Variants in ASH1L observed in about 807,000 individuals in gnomAD.
ASH1L encodes ASH1 like histone lysine methyltransferase.
ASH1L carries 23 observed loss-of-function variants against 269.0 expected under a neutral mutation model. That is an observed-to-expected ratio of 0.09 (90% confidence interval 0.06 to 0.12). The LOEUF is 0.12. ASH1L is among the 10% of genes least tolerant of loss of function. The pLI, the probability that ASH1L is intolerant of heterozygous loss-of-function variation, is 1.00. For missense variants in ASH1L, 2,912 were observed against 3,567.8 expected (o/e 0.82, Z 4.68); for synonymous variants, 1,187 against 1,253.5 (o/e 0.95, Z 1.12).
chr1:155,461,523 C>G (rs1319663078), intron 3 of ASH1L, among the ~76,000 whole-genome samples: 1 of 152,014 alleles, frequency 6.6e-6, no homozygotes, highest in Non-Finnish European at 1.5e-5. Context: ...TTATATCTGA[C>G]AGTATAATAA....
chr1:155,426,225 C>T (rs1008566678), intron 5 of ASH1L, among the ~76,000 whole-genome samples: 4 of 151,882 alleles, frequency 2.6e-5, no homozygotes, highest in Admixed American at 6.6e-5. Context: ...CCATCATGCC[C>T]GGCTAATTTT....
intron 5 of ASH1L, among the ~76,000 whole-genome samples, chr1:155,428,926 A>G (rs1264144250): frequency 1.3e-5 from 2 of 152,030 alleles, no homozygotes; most frequent in Non-Finnish European, 1.5e-5. Flanking sequence ...TTCCCACTTC[A>G]CACCTCTATA....
intron 4 of ASH1L, among the ~76,000 whole-genome samples, chr1:155,449,199 G>C (rs929630581): frequency 2.6e-5 from 4 of 152,188 alleles, no homozygotes; most frequent in African/African-American, 9.7e-5. Context: ...CTCCCAAAGT[G>C]CTGGGATTAC....
chr1:155,497,894 C>A (rs1280248407), intron 2 of ASH1L, among the ~76,000 whole-genome samples: 2 of 151,910 alleles, frequency 1.3e-5, no homozygotes, highest in African/African-American at 4.8e-5. Flanking sequence ...GGACTACAGG[C>A]GCCTGCCACC....
At chr1:155,405,886 T>C (rs963863418) in intron 6 of ASH1L, among the ~76,000 whole-genome samples, 1 of 149,722 alleles carries the variant, frequency 6.7e-6, no homozygotes, top group Non-Finnish European at 1.5e-5. Context: ...TTCACAGATA[T>C]GGTGATGACC....
intron 1 of ASH1L, among the ~76,000 whole-genome samples, chr1:155,530,282 T>C (rs908569337): frequency 1.3e-5 from 2 of 152,210 alleles, no homozygotes; most frequent in African/African-American, 4.8e-5. Context: ...CCATTGAAAT[T>C]TGAACTCTAC....
At chr1:155,530,384 G>T (rs1368524290) in intron 1 of ASH1L, among the ~76,000 whole-genome samples, 1 of 152,096 alleles carries the variant, frequency 6.6e-6, no homozygotes, top group Non-Finnish European at 1.5e-5. Context: ...AATATTTGTA[G>T]AATTAATTCC....
intron 6 of ASH1L, among the ~76,000 whole-genome samples, chr1:155,406,149 A>C (rs1659269448): frequency 1.3e-5 from 2 of 148,920 alleles, no homozygotes; most frequent in African/African-American, 4.9e-5. Flanking sequence ...GGTTGCAGTG[A>C]GCTAAGATGG....
chr1:155,442,307 G>T (rs1354298983), intron 4 of ASH1L, among the ~76,000 whole-genome samples: 1 of 151,740 alleles, frequency 6.6e-6, no homozygotes, highest in Non-Finnish European at 1.5e-5. Context: ...AAACACAAAG[G>T]CCCGGCAAGG....
intron 2 of ASH1L, among the ~76,000 whole-genome samples, chr1:155,494,973 T>C (rs762800707): frequency 2.0e-5 from 3 of 152,066 alleles, no homozygotes; most frequent in Non-Finnish European, 4.4e-5. Context: ...TGTGGTATCT[T>C]GGAACCCAAA....
intron 27 of ASH1L, 87 bp from the exon 28 acceptor site, chr1:155,337,838 CA>C: frequency 7.6e-7 from 1 of 1,314,940 alleles, no homozygotes; most frequent in East Asian, 2.3e-5. Flanking sequence ...CACACGAACT[CA>C]ATGATTCCTT....
chr1:155,465,160 T>C (rs768145800), intron 3 of ASH1L, among the ~76,000 whole-genome samples: 1 of 151,950 alleles, frequency 6.6e-6, no homozygotes, highest in African/African-American at 2.4e-5. Flanking sequence ...TCACTGATAA[T>C]AGTGTCTGCA....
chr1:155,437,189 A>C (rs1662170327), intron 5 of ASH1L, among the ~76,000 whole-genome samples: 1 of 152,230 alleles, frequency 6.6e-6, no homozygotes. Flanking sequence ...ATAGGAGAAA[A>C]GATTTGCTTA....
chr1:155,368,998 A>C (rs1468367805), intron 12 of ASH1L, among the ~76,000 whole-genome samples: 1 of 152,236 alleles, frequency 6.6e-6, no homozygotes, highest in East Asian at 1.9e-4. Flanking sequence ...ATCTGTGGCA[A>C]TGGAAATCAG....
chr1:155,363,532 C>T (rs765325884), intron 12 of ASH1L, among the ~76,000 whole-genome samples: 19 of 152,120 alleles, frequency 1.2e-4, no homozygotes, highest in African/African-American at 4.8e-5. Flanking sequence ...GCATGACCCA[C>T]GGAGCCTGGC....
intron 5 of ASH1L, among the ~76,000 whole-genome samples, chr1:155,436,119 C>T (rs566711113): frequency 2.0e-4 from 30 of 152,276 alleles, no homozygotes; most frequent in South Asian, 8.3e-4. Flanking sequence ...TAAGAAATCA[C>T]GGCCAAATTC....
At position 155,354,343 on chromosome 1, in the gene ASH1L, T is replaced by G; in HGVS notation, c.7213+130A>C. On this transcript the variant is annotated intron_variant, in intron 16 of 27. Coordinates refer to ENST00000392403, the MANE Select transcript of ASH1L (RefSeq NM_018489.3). ...CTGTAATCCCAGCTACTCAGGAGGCTGAGGCAGGATAATTGCTTGAACCCA... is the reference window on the plus strand; with the variant it reads ...CTGTAATCCCAGCTACTCAGGAGGCGGAGGCAGGATAATTGCTTGAACCCA... 6 of 766,230 alleles carry G rather than the reference T, an allele frequency of 7.8e-6. 1 individual carries two copies. Among genetic ancestry groups the G allele is most frequent in the Non-Finnish European group, 1.2e-5 (6 of 500,290 alleles). 47.5% of individuals were successfully genotyped at this position (766,230 alleles called of 1,614,324 possible).
At chr1:155,440,233 T>C (rs975168062) in intron 4 of ASH1L, among the ~76,000 whole-genome samples, 4 of 152,034 alleles carry the variant, frequency 2.6e-5, no homozygotes, top group African/African-American at 7.2e-5. Flanking sequence ...GTTTGAGCCA[T>C]GGAGTTTGAG....
chr1:155,541,281 G>A (rs1437522045), intron 1 of ASH1L, among the ~76,000 whole-genome samples: 2 of 151,528 alleles, frequency 1.3e-5, no homozygotes, highest in Non-Finnish European at 2.9e-5. Context: ...ATAGATAAAA[G>A]AGAATAGGCA....
Sources: allele counts gnomAD v4.1 joint callset (sites outside exome capture counted in the v4.1 genomes callset), GRCh38; gene constraint gnomAD v4.1.1; transcripts MANE v1.5; gene names NCBI Gene and HGNC (gene_info 2026-07-23, HGNC 2026-07-21).